B3GAT2: variants seen among roughly 807,000 people sequenced by gnomAD.
B3GAT2 encodes galactosylgalactosylxylosylprotein 3-beta-glucuronosyltransferase 2.
B3GAT2 carries 26 observed loss-of-function variants against 27.8 expected under a neutral mutation model. That is an observed-to-expected ratio of 0.93 (90% CI 0.68 to 1.30). The LOEUF (loss-of-function observed/expected upper bound fraction) is 1.30, where lower values mean the gene tolerates loss of function less well. B3GAT2 is among the 50% of genes most tolerant of loss of function. The probability of loss-of-function intolerance (pLI) is 0.00; values close to 1 mark genes in which losing one functional copy is unlikely to be tolerated. For synonymous variants in B3GAT2, 218 were observed against 195.1 expected, an observed-to-expected ratio of 1.12 and a Z score of -0.98; for missense variants, 458 against 459.0, an observed-to-expected ratio of 1.00 and a Z score of 0.02.
At chr6:70,935,486 C>T (rs1204027826) in intron 1 of B3GAT2, among the ~76,000 whole-genome samples, 4 of 149,894 alleles carry the variant, frequency 2.7e-5, no homozygotes, top group Non-Finnish European at 6.0e-5. Context: ...ATATATATAT[C>T]TCCATCCAAA....
chr6:70,889,535 C>T (rs1198830676), intron 2 of B3GAT2, among the ~76,000 whole-genome samples: 1 of 152,118 alleles, frequency 6.6e-6, no homozygotes, highest in Non-Finnish European at 1.5e-5. Flanking sequence ...AGTTGGCTGC[C>T]GACAGAAGAC....
At chr6:70,918,568 G>A (rs1379614472) in intron 1 of B3GAT2, among the ~76,000 whole-genome samples, 2 of 152,118 alleles carry the variant, frequency 1.3e-5, no homozygotes, top group Non-Finnish European at 2.9e-5. Flanking sequence ...CTTCCTTCAG[G>A]AGCTTTTGTA....
At chr6:70,932,409 G>A (rs1400677913) in intron 1 of B3GAT2, among the ~76,000 whole-genome samples, 1 of 152,118 alleles carries the variant, frequency 6.6e-6, no homozygotes, top group Admixed American at 6.5e-5. Flanking sequence ...CCTATCAAGA[G>A]ATGAATGGAT....
intron 2 of B3GAT2, among the ~76,000 whole-genome samples, chr6:70,874,801 A>G (rs1416522376): frequency 6.6e-6 from 1 of 152,260 alleles, no homozygotes; most frequent in East Asian, 1.9e-4. Flanking sequence ...GACAGATCAC[A>G]TAATGACAAT....
chr6:70,897,659 A>G (rs1399511003), intron 1 of B3GAT2, among the ~76,000 whole-genome samples: 3 of 110,894 alleles, frequency 2.7e-5, no homozygotes, highest in Admixed American at 9.2e-5. Flanking sequence ...GAACTGCTTG[A>G]AAAAAAAAAA....
Position 70,956,324 on chromosome 6 carries a change from G to A in B3GAT2, c.106C>T (p.Pro36Ser). 2 of 1,582,468 alleles carry A rather than the reference G, an allele frequency of 1.3e-6. No homozygotes were observed. The highest frequency in any genetic ancestry group is 1.1e-5 in the South Asian group (1 of 87,776). Residue 36 changes from proline to serine, a missense_variant, in exon 1 of 4, where the codon CCG becomes TCG. By Grantham distance (74) the Pro-to-Ser change is moderately conservative (BLOSUM62 -1). Coordinates refer to ENST00000230053, the MANE Select transcript of B3GAT2 (RefSeq NM_080742.3). ...DTRRPVPPLT[P>S]RPYFSPYAVG... ...GCGTAGGGAGAGAAGTAGGGGCGCG[G>A]GGTGAGCGGGGGCACTGGCCTGCGC...
At chr6:70,878,106 T>C (rs1261275863) in intron 2 of B3GAT2, among the ~76,000 whole-genome samples, 1 of 152,244 alleles carries the variant, frequency 6.6e-6, no homozygotes, top group Non-Finnish European at 1.5e-5. Context: ...TCAATTTTTA[T>C]AAATGTTTCA....
intron 1 of B3GAT2, among the ~76,000 whole-genome samples, chr6:70,945,152 A>C (rs1275330720): frequency 1.3e-5 from 2 of 152,202 alleles, no homozygotes; most frequent in African/African-American, 4.8e-5. Flanking sequence ...TGGAAACTCT[A>C]AAAAGCAGAG....
intron 1 of B3GAT2, among the ~76,000 whole-genome samples, chr6:70,952,299 T>C (rs7774025): frequency 0.24 from 35,888 of 152,090 alleles, 4,465 homozygotes; most frequent in Non-Finnish European, 0.28. Flanking sequence ...CTTCCAGTCT[T>C]ATTTCATTAA....
intron 1 of B3GAT2, among the ~76,000 whole-genome samples, chr6:70,930,040 C>A (rs1051268238): frequency 1.3e-5 from 2 of 152,142 alleles, no homozygotes; most frequent in African/African-American, 4.8e-5. Flanking sequence ...TAATACCACA[C>A]ATCTACAACC....
chr6:70,934,464 C>A (rs906634741), intron 1 of B3GAT2, among the ~76,000 whole-genome samples: 1 of 147,878 alleles, frequency 6.8e-6, no homozygotes, highest in East Asian at 2.1e-4. Flanking sequence ...CCTAATATAA[C>A]CTCCAGGGCA....
chr6:70,864,333 A>C (rs969019344), intron 2 of B3GAT2, among the ~76,000 whole-genome samples: 1 of 152,232 alleles, frequency 6.6e-6, no homozygotes, highest in Non-Finnish European at 1.5e-5. Context: ...TCCTTAGCAC[A>C]GGAATATCCT....
At chr6:70,932,484 A>G (rs1773077324) in intron 1 of B3GAT2, among the ~76,000 whole-genome samples, 1 of 152,224 alleles carries the variant, frequency 6.6e-6, no homozygotes, top group South Asian at 2.1e-4. Context: ...TTAAATTCTG[A>G]GACATGCTAC....
chr6:70,926,448 TA>T (rs1477670978), intron 1 of B3GAT2, among the ~76,000 whole-genome samples: 1 of 151,470 alleles, frequency 6.6e-6, no homozygotes, highest in Admixed American at 6.6e-5. Flanking sequence ...GACAAATGGC[TA>T]ATTACAATAA....
At chr6:70,945,775 T>G (rs1405237862) in intron 1 of B3GAT2, among the ~76,000 whole-genome samples, 2 of 150,092 alleles carry the variant, frequency 1.3e-5, no homozygotes, top group Admixed American at 6.7e-5. Context: ...AATTGTCAGA[T>G]TCACCAAAGT....
intron 1 of B3GAT2, among the ~76,000 whole-genome samples, chr6:70,918,019 T>C (rs1772802876): frequency 6.6e-6 from 1 of 152,182 alleles, no homozygotes; most frequent in Admixed American, 6.5e-5. Context: ...CCATTATTAT[T>C]GTGTGGGAGT....
intron 1 of B3GAT2, among the ~76,000 whole-genome samples, chr6:70,907,148 C>G (rs1582372299): frequency 6.6e-6 from 1 of 152,138 alleles, no homozygotes; most frequent in Admixed American, 6.5e-5. Flanking sequence ...CAGCCCTTCC[C>G]CCACATGACT....
At position 70,860,566 on chromosome 6, in the gene B3GAT2, C is replaced by T. The variant is rs1443669105; in HGVS notation, c.*1097G>A. 2 of 447,712 alleles carry T rather than the reference C, an allele frequency of 4.5e-6. No homozygotes were observed. The highest frequency in any genetic ancestry group is 7.7e-6 in the Non-Finnish European group (2 of 259,690). 27.7% of individuals were successfully genotyped at this position (447,712 alleles called of 1,614,324 possible). A position where few individuals can be genotyped will look rare whatever the true frequency, so the allele number is the denominator to read the frequency against. ...GCTTTGCTCATATTTCCCATGATTT[C>T]ATGTACTGCATTATTTGAGAAGCTG... On this transcript the variant is annotated 3_prime_UTR_variant, in exon 4 of 4. Coordinates refer to ENST00000230053, the MANE Select transcript of B3GAT2 (RefSeq NM_080742.3).
Position 70,859,102 on chromosome 6 carries a change from A to G in B3GAT2, c.*2561T>C, listed in dbSNP as rs1771577101. 2 of 351,858 alleles carry G rather than the reference A, an allele frequency of 5.7e-6. No individual in the cohort carries two copies. Among genetic ancestry groups the G allele is most frequent in the Non-Finnish European group, 5.1e-6 (1 of 194,376 alleles). 21.8% of individuals were successfully genotyped at this position (351,858 alleles called of 1,614,324 possible). A position where few individuals can be genotyped will look rare whatever the true frequency, so the allele number is the denominator to read the frequency against. ...GTTTTACCTTTAGAGCATTCAGGGA[A>G]TAGTCTAGAGTGATTTCTAACATTA... On this transcript the variant is annotated 3_prime_UTR_variant, in exon 4 of 4. Transcript: ENST00000230053.
Sources: allele counts gnomAD v4.1 joint callset (sites outside exome capture counted in the v4.1 genomes callset), GRCh38; gene constraint gnomAD v4.1.1; transcripts MANE v1.5; gene names NCBI Gene and HGNC (gene_info 2026-07-23, HGNC 2026-07-21).